The following KHDC1 variants were observed in gnomAD, a reference collection of about 807,000 sequenced individuals.
The protein encoded by KHDC1 is KH domain containing 1.
A neutral mutation model predicts 24.7 loss-of-function variants in KHDC1; 21 were observed. That is an observed-to-expected ratio of 0.85 (90% confidence interval 0.60 to 1.23). The LOEUF is 1.23. Ranked by LOEUF, KHDC1 falls within the 50% of genes most tolerant of loss-of-function variation. The probability of loss-of-function intolerance (pLI) is 0.00; values close to 1 mark genes in which losing one functional copy is unlikely to be tolerated. For synonymous variants in KHDC1, 98 were observed against 111.7 expected (o/e 0.88, Z 0.77); for missense variants, 274 against 298.5 (o/e 0.92, Z 0.61).
chr6:73,257,672 C>T (rs1766905393), intron 2 of KHDC1, among the ~76,000 whole-genome samples: 1 of 151,462 alleles, frequency 6.6e-6, no homozygotes, highest in African/African-American at 2.4e-5. Context: ...CCTGGGATTA[C>T]AGGCGTGAGC....
chr6:73,246,397 A>G (rs1441921942), intron 2 of KHDC1, among the ~76,000 whole-genome samples: 1 of 152,168 alleles, frequency 6.6e-6, no homozygotes, highest in African/African-American at 2.4e-5. Context: ...TTAACAAGAA[A>G]CATTAATATT....
Position 73,248,344 on chromosome 6 carries a change from G to A in KHDC1, c.207-5814C>T, listed in dbSNP as rs376302551. Reference sequence around the variant, plus strand: ...TCTCCTCTGTCTTCTACTTTAATCCGATGTTCCACTTCTCTCTCTGTCTCT... The same window carrying A: ...TCTCCTCTGTCTTCTACTTTAATCCAATGTTCCACTTCTCTCTCTGTCTCT... On this transcript the variant is annotated intron_variant, in intron 2 of 4. Transcript: ENST00000370384. Among the ~76,000 whole-genome samples the A allele has an allele frequency of 1.6e-4, 24 of 151,350 alleles. No individual in the cohort carries two copies. The East Asian group carries it at 2.3e-3, about 15-fold the overall frequency.
rs192088538 is a variant in KHDC1 at position 73,242,945 on chromosome 6, C to T, written c.207-415G>A. 2.2e-4 allele frequency among the ~76,000 whole-genome samples: 34 copies of T among 152,194 alleles called. 1 individual carries two copies. In the East Asian group the frequency reaches 5.8e-3, roughly 26 times the overall value. On this transcript the variant is annotated intron_variant, in intron 2 of 4. Transcript: ENST00000370384. ...ATGACCAGAGTGTATTCCAACAAGA[C>T]GGGGTTTGTTTGGTGTGCTGCATCA...
At chr6:73,266,437 T>C (rs1767079550) in intron 2 of KHDC1, among the ~76,000 whole-genome samples, 1 of 152,236 alleles carries the variant, frequency 6.6e-6, no homozygotes, top group Non-Finnish European at 1.5e-5. Context: ...GAAGCAGTTA[T>C]CAAGAGCCCA....
At chr6:73,248,957 AG>A (rs1406803103) in intron 2 of KHDC1, among the ~76,000 whole-genome samples, 6 of 149,010 alleles carry the variant, frequency 4.0e-5, no homozygotes, top group African/African-American at 1.5e-4. Flanking sequence ...AAAAAAAAAA[AG>A]AAAGAAAGAA....
In KHDC1 at chr6:73,254,465, TAAAA is replaced by T. The variant is rs761433027; in HGVS notation, c.207-11939_207-11936del. 1.7e-3 allele frequency among the ~76,000 whole-genome samples: 159 copies of T among 91,578 alleles called. 1 individual carries two copies. In the East Asian group the frequency reaches 0.036, roughly 21 times the overall value. 60.1% of individuals were successfully genotyped at this position (91,578 alleles called of 152,430 possible). ...GACAGAATGAGACTCTGTCTTAAAA[TAAAA>T]ATAAATAAATAAATAAATAAATAAA... On this transcript the variant is annotated intron_variant, in intron 2 of 4. Coordinates refer to ENST00000370384, the Ensembl canonical transcript of KHDC1.
intron 1 of KHDC1, among the ~76,000 whole-genome samples, chr6:73,303,367 G>C (rs1767909983): frequency 6.6e-6 from 1 of 152,028 alleles, no homozygotes. Context: ...ATCACCACTG[G>C]ACCACAGTAA....
intron 2 of KHDC1, among the ~76,000 whole-genome samples, chr6:73,272,787 GA>G (rs1162409481): frequency 6.7e-6 from 1 of 148,452 alleles, no homozygotes; most frequent in Admixed American, 6.7e-5. Context: ...GGGGGGAAAA[GA>G]AAAAAACAGG....
chr6:73,260,014 T>G (rs1766952144), intron 2 of KHDC1, among the ~76,000 whole-genome samples: 1 of 152,174 alleles, frequency 6.6e-6, no homozygotes, highest in South Asian at 2.1e-4. Flanking sequence ...TTCTTTGCAT[T>G]TCAGTGAAAA....
intron 1 of KHDC1, among the ~76,000 whole-genome samples, chr6:73,306,736 T>C (rs564522555): frequency 2.0e-5 from 3 of 152,276 alleles, no homozygotes; most frequent in East Asian, 3.9e-4. Context: ...TAGCTGGGCG[T>C]GGTGGCTCAT....
At chr6:73,273,443 T>C (rs906244432) in intron 2 of KHDC1, among the ~76,000 whole-genome samples, 5 of 152,018 alleles carry the variant, frequency 3.3e-5, no homozygotes, top group African/African-American at 1.2e-4. Flanking sequence ...GCTGGAATTA[T>C]AGGCATGAGC....
chr6:73,290,476 A>T (rs1767625472), intron 2 of KHDC1: 1 of 360,518 alleles, frequency 2.8e-6, no homozygotes, highest in Admixed American at 3.5e-5. Context: ...GAATGATAGT[A>T]CATCTAAAAA....
intron 2 of KHDC1, 155 bp from the exon 2 acceptor site, chr6:73,242,685 A>G: frequency 1.2e-6 from 1 of 807,820 alleles, no homozygotes; most frequent in African/African-American, 1.7e-5. Context: ...TCTTCCCAAG[A>G]TAATTCATTC....
intron 2 of KHDC1, among the ~76,000 whole-genome samples, chr6:73,285,646 T>A (rs1189517197): frequency 6.9e-6 from 1 of 145,674 alleles, no homozygotes; most frequent in Non-Finnish European, 1.5e-5. Flanking sequence ...TTTTCTTTTT[T>A]TTCTTTTTTT....
At chr6:73,273,285 A>T (rs974881920) in intron 2 of KHDC1, among the ~76,000 whole-genome samples, 3 of 150,586 alleles carry the variant, frequency 2.0e-5, no homozygotes, top group Non-Finnish European at 4.4e-5. Context: ...CTCCTGTCTC[A>T]GCCTCCCAAG....
rs1343838810 is a variant in KHDC1, at chr6:73,272,875, T to TG, written c.206+19122dup. Among the ~76,000 whole-genome samples, 4 of 147,238 alleles carry TG rather than the reference T, an allele frequency of 2.7e-5. No homozygotes were observed. The East Asian group carries it at 8.1e-4, about 30-fold the overall frequency. On this transcript the variant is annotated intron_variant, in intron 2 of 4. Transcript: ENST00000370384. The stretch of plus-strand genomic sequence containing the variant: ...TCTTTTCTTTTTCTTTTTTTTTTTT[T>TG]GGAGATGGAGTCTCACTCTGTCACC...
At chr6:73,309,466 C>T (rs756496620) in intron 1 of KHDC1, 12 of 1,349,538 alleles carry the variant, frequency 8.9e-6, no homozygotes, top group Non-Finnish European at 1.2e-5. Context: ...CTGGAGTGAT[C>T]CTGAAAGATC....
chr6:73,259,778 T>C (rs1206709538), intron 2 of KHDC1, among the ~76,000 whole-genome samples: 1 of 152,180 alleles, frequency 6.6e-6, no homozygotes, highest in Non-Finnish European at 1.5e-5. Flanking sequence ...TCAATCTCTT[T>C]TGTAATTGAA....
intron 2 of KHDC1, chr6:73,291,087 G>A (rs1389871057): frequency 8.6e-6 from 4 of 463,344 alleles, no homozygotes; most frequent in South Asian, 3.2e-5. Context: ...CTGCTGTAGT[G>A]CAAGTTTACT....
Sources: allele counts gnomAD v4.1 joint callset (sites outside exome capture counted in the v4.1 genomes callset), GRCh38; gene constraint gnomAD v4.1.1; transcripts MANE v1.5; gene names NCBI Gene and HGNC (gene_info 2026-07-23, HGNC 2026-07-21).